Variants in C11orf65 observed in about 807,000 individuals in gnomAD.
The protein encoded by C11orf65 is protein MFI.
A neutral mutation model predicts 35.3 loss-of-function variants in C11orf65; 38 were observed. That is an observed-to-expected ratio of 1.08 (90% confidence interval 0.83 to 1.41). C11orf65 has a LOEUF of 1.41. Ranked by LOEUF, C11orf65 falls within the 40% of genes most tolerant of loss-of-function variation. The probability of loss-of-function intolerance (pLI) is 0.00; values close to 1 mark genes in which losing one functional copy is unlikely to be tolerated. For synonymous variants in C11orf65, 105 were observed against 114.4 expected (o/e 0.92, Z 0.53); for missense variants, 370 against 367.1 (o/e 1.01, Z -0.06).
chr11:108,376,392 C>T (rs907605319), intron 2 of C11orf65, among the ~76,000 whole-genome samples: 17 of 152,142 alleles, frequency 1.1e-4, no homozygotes, highest in African/African-American at 2.7e-4. Flanking sequence ...CAGTACATAA[C>T]GAAATGAAGG....
At chr11:108,405,708 A>G in intron 5 of C11orf65, 149 bp from the exon 6 acceptor site, 1 of 799,264 alleles carries the variant, frequency 1.3e-6, no homozygotes, top group Non-Finnish European at 2.0e-6. Flanking sequence ...ATTTCTAATT[A>G]AGTGATGGGT....
chr11:108,319,896 C>A, intron 6 of C11orf65: 1 of 1,209,024 alleles, frequency 8.3e-7, no homozygotes. Context: ...GCTATTTATA[C>A]ATGTATATCT....
intron 6 of C11orf65, among the ~76,000 whole-genome samples, chr11:108,314,855 T>C (rs2084483489): frequency 6.6e-6 from 1 of 152,230 alleles, no homozygotes; most frequent in South Asian, 2.1e-4. Context: ...TTTACAGAAC[T>C]GTACTGTGTT....
intron 2 of C11orf65, among the ~76,000 whole-genome samples, chr11:108,439,850 T>A (rs2093122390): frequency 6.6e-6 from 1 of 152,022 alleles, no homozygotes; most frequent in Non-Finnish European, 1.5e-5. Context: ...GAGGTTTTGT[T>A]TGGGATGATG....
intron 8 of C11orf65, among the ~76,000 whole-genome samples, chr11:108,384,071 A>G (rs1340745617): frequency 6.6e-6 from 1 of 152,132 alleles, no homozygotes; most frequent in Non-Finnish European, 1.5e-5. Context: ...TATGTTGCCC[A>G]GGATAGTCTT....
intron 2 of C11orf65, chr11:108,365,262 T>G (rs761606131): frequency 1.2e-6 from 2 of 1,614,186 alleles, no homozygotes; most frequent in Non-Finnish European, 1.7e-6. Flanking sequence ...TTTTTCAGAT[T>G]TTCTTATTCC....
chr11:108,444,345 A>G (rs2093215059), intron 2 of C11orf65, among the ~76,000 whole-genome samples: 1 of 152,110 alleles, frequency 6.6e-6, no homozygotes, highest in African/African-American at 2.4e-5. Flanking sequence ...AACCAAAAAA[A>G]AGTCCAGGAC....
chr11:108,375,287 T>C (rs2138156903), intron 2 of C11orf65, among the ~76,000 whole-genome samples: 1 of 151,750 alleles, frequency 6.6e-6, no homozygotes, highest in South Asian at 2.1e-4. Flanking sequence ...ACAGCGGATC[T>C]TGGCAGAAAC....
At chr11:108,403,600 A>AT (rs1476896543) in intron 6 of C11orf65, among the ~76,000 whole-genome samples, 1 of 151,816 alleles carries the variant, frequency 6.6e-6, no homozygotes, top group Non-Finnish European at 1.5e-5. Flanking sequence ...AGGCACTAAG[A>AT]TTTTCTCCTT....
chr11:108,448,005 C>A (rs1246559284), intron 2 of C11orf65, among the ~76,000 whole-genome samples: 1 of 152,170 alleles, frequency 6.6e-6, no homozygotes, highest in Admixed American at 6.5e-5. Flanking sequence ...ACTACACAGA[C>A]CTCTATGCAA....
intron 7 of C11orf65, among the ~76,000 whole-genome samples, chr11:108,389,509 A>T (rs77621983): frequency 0.012 from 1,882 of 152,374 alleles, 18 homozygotes; most frequent in Non-Finnish European, 0.021. Context: ...TCCTCAACTC[A>T]GAAGATAAAC....
intron 2 of C11orf65, among the ~76,000 whole-genome samples, chr11:108,359,908 C>G (rs1368584546): frequency 6.6e-6 from 1 of 152,080 alleles, no homozygotes; most frequent in Non-Finnish European, 1.5e-5. Flanking sequence ...AGAGCAAACA[C>G]ATTCAAAAGT....
At chr11:108,327,160 G>A (rs1591139138), downstream of C11orf65, among the ~76,000 whole-genome samples, 2 of 152,248 alleles carry the variant, frequency 1.3e-5, no homozygotes, top group East Asian at 1.9e-4. Context: ...GGCACTCATT[G>A]TATAGCATCT....
rs750354487 is a variant in C11orf65, at chr11:108,385,975, C to T, written c.732G>A (p.Glu244=). ...CAATTTCCTTCCAGCTGGCAATGTACCTAAGCACATTATATGAGGATTCAT... is the reference window on the plus strand; with the variant it reads ...CAATTTCCTTCCAGCTGGCAATGTATCTAAGCACATTATATGAGGATTCAT... The part of the protein sequence containing the change: ...LNWTNTLNFD[E]YIASWKEIAT... Residue 244 remains glutamate, a splice_region_variant and synonymous_variant, in exon 8 of 9, where the codon GAG becomes GAA. Coordinates refer to ENST00000393084, the MANE Select transcript of C11orf65 (RefSeq NM_152587.5). The T allele has an allele frequency of 2.5e-6, 4 of 1,612,784 alleles. No homozygotes were observed. Among genetic ancestry groups the T allele is most frequent in the Non-Finnish European group, 3.4e-6 (4 of 1,178,994 alleles).
chr11:108,442,923 T>A (rs558340105), intron 2 of C11orf65, among the ~76,000 whole-genome samples: 134 of 152,128 alleles, frequency 8.8e-4, no homozygotes, highest in African/African-American at 2.9e-3. Context: ...ACGAGAAAAA[T>A]AACCAGCTAA....
intron 2 of C11orf65, among the ~76,000 whole-genome samples, chr11:108,451,237 T>G (rs1451145786): frequency 6.6e-6 from 1 of 152,008 alleles, no homozygotes; most frequent in African/African-American, 2.4e-5. Flanking sequence ...GCAGACGACA[T>G]GATTGTATAT....
At chr11:108,381,417 T>C (rs550696566), downstream of C11orf65, among the ~76,000 whole-genome samples, 1 of 152,206 alleles carries the variant, frequency 6.6e-6, no homozygotes, top group Non-Finnish European at 1.5e-5. Context: ...CTGGTCATGT[T>C]TGGCTCCTCA....
chr11:108,418,304 ATTCTT>A (rs899949649), intron 3 of C11orf65, among the ~76,000 whole-genome samples: 3 of 152,278 alleles, frequency 2.0e-5, no homozygotes, highest in East Asian at 3.9e-4. Flanking sequence ...AAAAATATAT[ATTCTT>A]TTCAAGTACA....
rs1388560633 is a variant in C11orf65, at chr11:108,325,228, G to A, written c.641-16157C>T. The A allele has an allele frequency of 6.4e-6, 6 of 941,978 alleles. No individual in the cohort carries two copies. The Middle Eastern group carries it at 8.1e-4, about 127-fold the overall frequency. 58.4% of individuals were successfully genotyped at this position (941,978 alleles called of 1,614,324 possible). On this transcript the variant is annotated intron_variant, in intron 6 of 6. Coordinates refer to the C11orf65 transcript ENST00000525729. The stretch of plus-strand genomic sequence containing the variant: ...CTTTGTATTATTATAATATTATATC[G>A]TAAGTTCCAGAACTTACATAGTTTT...
Sources: gnomAD v4.1 joint callset for allele counts (sites outside exome capture counted in the v4.1 genomes callset) on GRCh38, gnomAD v4.1.1 for gene constraint, MANE v1.5 for transcripts, NCBI Gene and HGNC (gene_info 2026-07-23, HGNC 2026-07-21) for gene names.